The following STIMATE variants were observed in gnomAD, a reference collection of about 807,000 sequenced individuals.
STIMATE encodes STIM activating enhancer.
Under a neutral mutation model 36.7 loss-of-function variants are expected in STIMATE, and 15 were observed. The observed-to-expected ratio is 0.41, with a 90% CI of 0.27 to 0.63. The LOEUF (loss-of-function observed/expected upper bound fraction) is 0.63, where lower values mean the gene tolerates loss of function less well. Ranked by LOEUF, STIMATE falls within the 20% of genes least tolerant of loss-of-function variation. STIMATE has a pLI of 0.32. For missense variants in STIMATE, 305 were observed against 397.3 expected, an observed-to-expected ratio of 0.77 and a Z score of 1.98; for synonymous variants, 163 against 162.3, an observed-to-expected ratio of 1.00 and a Z score of -0.03.
At chr3:52,880,827 T>A (rs1189652960) in intron 1 of STIMATE, among the ~76,000 whole-genome samples, 1 of 152,192 alleles carries the variant, frequency 6.6e-6, no homozygotes. Context: ...ACAAAAATAG[T>A]CTGAAATTCA....
chr3:52,896,440 T>G (rs57654423), intron 1 of STIMATE, among the ~76,000 whole-genome samples: 4,717 of 150,304 alleles, frequency 0.031, 286 homozygotes, highest in African/African-American at 0.11. Context: ...AAGGGAAGGA[T>G]GCACACGATG....
chr3:52,841,820 T>C (rs1700802651), intron 7 of STIMATE: 1 of 152,290 alleles, frequency 6.6e-6, no homozygotes, highest in Admixed American at 6.5e-5. Context: ...TTTCACACTA[T>C]GGCCCAGACA....
intron 1 of STIMATE, among the ~76,000 whole-genome samples, chr3:52,859,845 T>C (rs1559493048): frequency 6.6e-6 from 1 of 152,066 alleles, no homozygotes; most frequent in Non-Finnish European, 1.5e-5. Flanking sequence ...AGAATCAGCG[T>C]GACCTACAGC....
At chr3:52,865,532 A>G (rs1701291430) in intron 1 of STIMATE, among the ~76,000 whole-genome samples, 1 of 152,212 alleles carries the variant, frequency 6.6e-6, no homozygotes, top group Non-Finnish European at 1.5e-5. Flanking sequence ...GGCGGCGGCA[A>G]GAAAACATGA....
intron 1 of STIMATE, among the ~76,000 whole-genome samples, chr3:52,857,994 T>C (rs1701138974): frequency 6.6e-6 from 1 of 152,048 alleles, no homozygotes; most frequent in South Asian, 2.1e-4. Flanking sequence ...GATGTGTGAG[T>C]GCAGCAAGAA....
rs550616631 is a variant in STIMATE, at chr3:52,897,273, G to A, written c.160+18C>T. 1.5e-5 allele frequency: 23 copies of A among 1,535,078 alleles called. No individual in the cohort carries two copies. The East Asian group carries it at 4.9e-4, about 33-fold the overall frequency. ...TGCCGCGCAGGGCCTCCGGAGGGTC[G>A]GGGGGTCCCAGACTCACGCATTAAC... On this transcript the variant is annotated intron_variant, in intron 1 of 7. Coordinates refer to ENST00000355083, the MANE Select transcript of STIMATE (RefSeq NM_198563.5).
At chr3:52,855,893 G>C (rs1311451516) in intron 1 of STIMATE, among the ~76,000 whole-genome samples, 1 of 152,236 alleles carries the variant, frequency 6.6e-6, no homozygotes. Flanking sequence ...CAGGGGGCTA[G>C]ACACGTACAT....
intron 1 of STIMATE, among the ~76,000 whole-genome samples, chr3:52,864,320 G>A (rs1211888286): frequency 6.6e-6 from 1 of 152,206 alleles, no homozygotes; most frequent in South Asian, 2.1e-4. Context: ...CCACAGTTTG[G>A]AGCCTGCACC....
chr3:52,843,788 A>C lies in STIMATE; in HGVS notation c.551T>G (p.Leu184Trp). 6.2e-7 allele frequency: 1 copy of C among 1,613,668 alleles called. No homozygotes were observed. Among genetic ancestry groups the C allele is most frequent in the Non-Finnish European group, 8.5e-7 (1 of 1,179,832 alleles). ...LILQWKKVAL[L>W]NPIENPDLKL... ...CAAGTCTGGGTTTTCAATGGGATTC[A>C]ACAGGGCCACCTGTAAAGAGAAGCA... is the stretch of plus-strand genomic sequence containing the variant. Residue 184 changes from leucine (L) to tryptophan (W), a missense_variant, in exon 6 of 8, where the codon TTG becomes TGG. Transcript: ENST00000355083.
At chr3:52,864,853 A>G (rs1458938076) in intron 1 of STIMATE, among the ~76,000 whole-genome samples, 1 of 152,210 alleles carries the variant, frequency 6.6e-6, no homozygotes, top group Non-Finnish European at 1.5e-5. Flanking sequence ...CCAGTTCCCA[A>G]CAAGTTCCTC....
chr3:52,852,381 T>C (rs545495351), intron 3 of STIMATE, among the ~76,000 whole-genome samples: 1 of 152,254 alleles, frequency 6.6e-6, no homozygotes, highest in Non-Finnish European at 1.5e-5. Context: ...AGCCAGTGCA[T>C]GGGGAAAGTG....
chr3:52,842,972 A>G lies in STIMATE; in HGVS notation c.619-12T>C. On this transcript the variant is annotated splice_polypyrimidine_tract_variant and intron_variant, in intron 6 of 7. Coordinates refer to ENST00000355083, the MANE Select transcript of STIMATE (RefSeq NM_198563.5). ...CAAAACATCAAAGCCTGTGGGAAGG[A>G]AAAGTGCAGGTTACTTTGGGATAAA... is the stretch of plus-strand genomic sequence containing the variant. 1 of 1,614,182 alleles carries G rather than the reference A, an allele frequency of 6.2e-7. No homozygotes were observed. Among genetic ancestry groups the G allele is most frequent in the South Asian group, 1.1e-5 (1 of 91,088 alleles).
At chr3:52,868,049 A>G (rs551325738) in intron 1 of STIMATE, among the ~76,000 whole-genome samples, 32 of 152,170 alleles carry the variant, frequency 2.1e-4, no homozygotes, top group Non-Finnish European at 4.1e-4. Context: ...GCTGGAGGGA[A>G]CCAGCAGTCA....
intron 1 of STIMATE, among the ~76,000 whole-genome samples, chr3:52,874,265 T>A (rs1701462190): frequency 6.6e-6 from 1 of 152,140 alleles, no homozygotes; most frequent in Admixed American, 6.5e-5. Flanking sequence ...AAATTATACC[T>A]CAATAAAACT....
chr3:52,852,931 C>T (rs963178627), intron 2 of STIMATE, among the ~76,000 whole-genome samples: 6 of 152,142 alleles, frequency 3.9e-5, no homozygotes, highest in Non-Finnish European at 8.8e-5. Context: ...ATTTAAAATA[C>T]GTTTTAAATT....
At chr3:52,846,922 G>A (rs1470416892) in intron 4 of STIMATE, among the ~76,000 whole-genome samples, 1 of 152,132 alleles carries the variant, frequency 6.6e-6, no homozygotes, top group Non-Finnish European at 1.5e-5. Context: ...TGTTTTCTTA[G>A]AGATGGGGTC....
intron 1 of STIMATE, among the ~76,000 whole-genome samples, chr3:52,860,998 T>C (rs28495201): frequency 0.024 from 3,720 of 152,288 alleles, 174 homozygotes; most frequent in African/African-American, 0.085. Flanking sequence ...TCAGAGTGGC[T>C]CAGGCAGGGT....
intron 1 of STIMATE, among the ~76,000 whole-genome samples, chr3:52,865,753 T>C (rs914645046): frequency 1.3e-5 from 2 of 152,302 alleles, no homozygotes; most frequent in African/African-American, 2.4e-5. Context: ...ACAAAATATA[T>C]TCAGTGAAAA....
At chr3:52,853,412 G>C (rs1701043195) in intron 2 of STIMATE, among the ~76,000 whole-genome samples, 1 of 152,224 alleles carries the variant, frequency 6.6e-6, no homozygotes, top group Non-Finnish European at 1.5e-5. Flanking sequence ...GGTGGAGACA[G>C]CGTGTGCCTT....
Sources: gnomAD v4.1 joint callset for allele counts (sites outside exome capture counted in the v4.1 genomes callset) on GRCh38, gnomAD v4.1.1 for gene constraint, MANE v1.5 for transcripts, NCBI Gene and HGNC (gene_info 2026-07-23, HGNC 2026-07-21) for gene names.